EBF1: variants seen among roughly 807,000 people sequenced by gnomAD.
EBF1 encodes transcription factor COE1.
A neutral mutation model predicts 68.4 loss-of-function variants in EBF1; 10 were observed. That is an observed-to-expected ratio of 0.15 (90% CI 0.09 to 0.25). The LOEUF (loss-of-function observed/expected upper bound fraction) is 0.25. EBF1 is among the 10% of genes least tolerant of loss of function. The pLI is 1.00. For missense variants in EBF1, 509 were observed against 794.4 expected (o/e 0.64, Z 4.32); for synonymous variants, 298 against 299.8 (o/e 0.99, Z 0.06).
intron 6 of EBF1, among the ~76,000 whole-genome samples, chr5:158,944,937 A>T (rs1410383123): frequency 6.6e-6 from 1 of 152,004 alleles, no homozygotes; most frequent in Non-Finnish European, 1.5e-5. Context: ...TCTCTTGTAA[A>T]TTTGTTTAAG....
At chr5:158,781,846 C>T (rs1223006866) in intron 9 of EBF1, among the ~76,000 whole-genome samples, 1 of 152,138 alleles carries the variant, frequency 6.6e-6, no homozygotes, top group East Asian at 1.9e-4. Context: ...CTACTTTTTC[C>T]ACCATAATTA....
At chr5:159,016,383 C>T (rs114305117) in intron 6 of EBF1, among the ~76,000 whole-genome samples, 1 of 152,126 alleles carries the variant, frequency 6.6e-6, no homozygotes, top group South Asian at 2.1e-4. Context: ...TCTTGCCTTT[C>T]GGAATTGCTC....
At chr5:159,017,309 T>C (rs1186589826) in intron 6 of EBF1, among the ~76,000 whole-genome samples, 1 of 152,246 alleles carries the variant, frequency 6.6e-6, no homozygotes, top group Non-Finnish European at 1.5e-5. Flanking sequence ...TTTTGAAAAT[T>C]AGTTGCCATC....
intron 5 of EBF1, among the ~76,000 whole-genome samples, chr5:159,074,579 A>T (rs920661073): frequency 4.6e-5 from 7 of 152,234 alleles, no homozygotes; most frequent in Admixed American, 4.6e-4. Context: ...GCTGCTGGAG[A>T]GAACCAAATA....
intron 6 of EBF1, among the ~76,000 whole-genome samples, chr5:159,008,371 C>T (rs1763974101): frequency 6.6e-6 from 1 of 152,062 alleles, no homozygotes; most frequent in Admixed American, 6.5e-5. Flanking sequence ...AAATCACACA[C>T]ACACACACTT....
intron 4 of EBF1, among the ~76,000 whole-genome samples, chr5:159,088,203 A>G (rs549591047): frequency 2.0e-5 from 3 of 152,256 alleles, no homozygotes; most frequent in Non-Finnish European, 4.4e-5. Flanking sequence ...ATCATACAGA[A>G]GGTATGGGCA....
At chr5:158,833,555 C>A (rs1417544722) in intron 7 of EBF1, among the ~76,000 whole-genome samples, 1 of 152,166 alleles carries the variant, frequency 6.6e-6, no homozygotes, top group African/African-American at 2.4e-5. Context: ...TGACTTCTAG[C>A]CAATGGAAGT....
At chr5:159,056,976 T>C (rs1774873594) in intron 6 of EBF1, among the ~76,000 whole-genome samples, 1 of 152,204 alleles carries the variant, frequency 6.6e-6, no homozygotes, top group Non-Finnish European at 1.5e-5. Flanking sequence ...TGACATAGTA[T>C]GAACAAGCAC....
intron 10 of EBF1, among the ~76,000 whole-genome samples, chr5:158,739,315 G>C (rs1167646836): frequency 6.6e-6 from 1 of 152,170 alleles, no homozygotes; most frequent in Non-Finnish European, 1.5e-5. Context: ...CCAATAATTA[G>C]GAGAAACTGT....
intron 9 of EBF1, among the ~76,000 whole-genome samples, chr5:158,781,760 C>T (rs1581831172): frequency 1.3e-5 from 2 of 152,182 alleles, no homozygotes; most frequent in African/African-American, 2.4e-5. Flanking sequence ...TCTCTTTCTC[C>T]TGTTCAGGCT....
chr5:158,899,580 C>T (rs2127284195), intron 6 of EBF1, among the ~76,000 whole-genome samples: 1 of 152,292 alleles, frequency 6.6e-6, no homozygotes, highest in South Asian at 2.1e-4. Flanking sequence ...AAATCAGACA[C>T]CAAAGCTGTT....
intron 1 of EBF1, among the ~76,000 whole-genome samples, chr5:159,099,141 G>C (rs1016528796): frequency 6.6e-5 from 10 of 152,298 alleles, no homozygotes; most frequent in African/African-American, 2.4e-4. Flanking sequence ...GCTCCTCGCA[G>C]ACAGCTCCAG....
At chr5:159,088,723 C>A (rs1481200428) in intron 4 of EBF1, among the ~76,000 whole-genome samples, 2 of 151,934 alleles carry the variant, frequency 1.3e-5, no homozygotes. Flanking sequence ...GTGAGAGGGA[C>A]AAAGACAACA....
chr5:158,708,873 G>A (rs1470968694), intron 14 of EBF1, among the ~76,000 whole-genome samples: 5 of 152,150 alleles, frequency 3.3e-5, no homozygotes, highest in East Asian at 1.9e-4. Flanking sequence ...TGAATGTTTG[G>A]GAATTAATAA....
At chr5:158,943,987 C>T (rs997906074) in intron 6 of EBF1, among the ~76,000 whole-genome samples, 1 of 152,120 alleles carries the variant, frequency 6.6e-6, no homozygotes, top group Non-Finnish European at 1.5e-5. Flanking sequence ...CCTAGACTTC[C>T]CATCAAAGCA....
At chr5:158,858,340 C>T (rs1178502768) in intron 6 of EBF1, among the ~76,000 whole-genome samples, 1 of 152,184 alleles carries the variant, frequency 6.6e-6, no homozygotes, top group Non-Finnish European at 1.5e-5. Flanking sequence ...TCAGGTACTG[C>T]TTCTTCATAC....
chr5:158,722,891 G>T (rs1762235274), intron 11 of EBF1, among the ~76,000 whole-genome samples: 1 of 152,158 alleles, frequency 6.6e-6, no homozygotes, highest in Non-Finnish European at 1.5e-5. Flanking sequence ...ATGTTGGGTG[G>T]CTGGAGGTAG....
intron 6 of EBF1, among the ~76,000 whole-genome samples, chr5:159,050,163 TC>T (rs1322089844): frequency 5.3e-5 from 8 of 149,854 alleles, no homozygotes; most frequent in Admixed American, 5.3e-4. Flanking sequence ...TCTCTCTCTC[TC>T]TCTCTCTCTC....
At position 159,010,104 on chromosome 5, in the gene EBF1, C is replaced by T. The variant is rs369053991; in HGVS notation, c.554+63292G>A. ...CAGGTGAGCATGAAAGTATACAGCC[C>T]GAAAGAGTAAAGTCTAATTATTGAA... On this transcript the variant is annotated intron_variant, in intron 6 of 15. Transcript: ENST00000313708. Among the ~76,000 whole-genome samples, 27 of 152,068 alleles carry T rather than the reference C, an allele frequency of 1.8e-4. No homozygotes were observed. The East Asian group carries it at 2.5e-3, about 14-fold the overall frequency.
Sources: gnomAD v4.1 joint callset for allele counts (sites outside exome capture counted in the v4.1 genomes callset) on GRCh38, gnomAD v4.1.1 for gene constraint, MANE v1.5 for transcripts, NCBI Gene and HGNC (gene_info 2026-07-23, HGNC 2026-07-21) for gene names.